GHR: variants seen among roughly 807,000 people sequenced by gnomAD.
GHR encodes the protein GH receptor.
Under a neutral mutation model 67.1 loss-of-function variants are expected in GHR, and 35 were observed. The ratio of observed to expected loss-of-function variants is 0.52; its 90% CI spans 0.40 to 0.69. The LOEUF is 0.69. Ranked by LOEUF, GHR falls within the 30% of genes least tolerant of loss-of-function variation. The pLI is 0.00. For synonymous variants in GHR, 272 were observed against 269.1 expected (o/e 1.01, Z -0.10); for missense variants, 792 against 764.6 (o/e 1.04, Z -0.42).
At chr5:42,642,013 G>T (rs147056922) in intron 3 of GHR, among the ~76,000 whole-genome samples, 2 of 152,112 alleles carry the variant, frequency 1.3e-5, no homozygotes, top group African/African-American at 4.8e-5. Context: ...ACCTAAGGAG[G>T]CAGACTGCTA....
intron 1 of GHR, among the ~76,000 whole-genome samples, chr5:42,486,422 A>T (rs1190933232): frequency 1.3e-5 from 2 of 152,188 alleles, no homozygotes; most frequent in Non-Finnish European, 2.9e-5. Flanking sequence ...CAGTTGTACT[A>T]TTTAAGATAC....
chr5:42,472,942 T>A (rs1745075255), intron 1 of GHR, among the ~76,000 whole-genome samples: 1 of 152,192 alleles, frequency 6.6e-6, no homozygotes, highest in Non-Finnish European at 1.5e-5. Flanking sequence ...TAAATAATGT[T>A]AAAAGTCAGT....
chr5:42,522,233 C>G (rs550061690), intron 1 of GHR, among the ~76,000 whole-genome samples: 1 of 152,062 alleles, frequency 6.6e-6, no homozygotes, highest in East Asian at 1.9e-4. Context: ...TGTTGCCTGC[C>G]GAATTTCTGT....
intron 3 of GHR, among the ~76,000 whole-genome samples, chr5:42,683,867 C>A (rs758277467): frequency 6.6e-6 from 1 of 152,118 alleles, no homozygotes; most frequent in East Asian, 1.9e-4. Flanking sequence ...GTAATAAGGA[C>A]TTTCTATGCA....
intron 3 of GHR, among the ~76,000 whole-genome samples, chr5:42,655,427 A>T (rs943941828): frequency 6.6e-5 from 10 of 152,122 alleles, no homozygotes; most frequent in Non-Finnish European, 8.8e-5. Context: ...AATGGAACAG[A>T]AAGTGTTTGA....
chr5:42,653,302 A>C, intron 3 of GHR, among the ~76,000 whole-genome samples: 1 of 152,128 alleles, frequency 6.6e-6, no homozygotes, highest in East Asian at 1.9e-4. Flanking sequence ...GAATTTGAGG[A>C]ATCTCAGGCT....
At chr5:42,621,679 A>T (rs1749141467) in intron 2 of GHR, among the ~76,000 whole-genome samples, 1 of 152,200 alleles carries the variant, frequency 6.6e-6, no homozygotes, top group Non-Finnish European at 1.5e-5. Context: ...TGCTTTTTTA[A>T]ATGACACTGG....
At chr5:42,563,624 CAAAAAAAAAAAA>C (rs1168788232) in intron 1 of GHR, among the ~76,000 whole-genome samples, 20 of 45,096 alleles carry the variant, frequency 4.4e-4, no homozygotes, top group African/African-American at 1.6e-3. Flanking sequence ...GACTCCGTCT[CAAAAAAAAAAAA>C]AAAAAAAAAA....
intron 1 of GHR, among the ~76,000 whole-genome samples, chr5:42,443,866 T>G (rs528508756): frequency 2.6e-5 from 4 of 152,008 alleles, no homozygotes; most frequent in African/African-American, 9.7e-5. Flanking sequence ...TTTAATATCA[T>G]CTAAGAACAC....
At chr5:42,569,724 CACATAT>C (rs200141258) in intron 2 of GHR, among the ~76,000 whole-genome samples, 2,240 of 151,880 alleles carry the variant, frequency 0.015, 21 homozygotes, top group Middle Eastern at 0.037. Flanking sequence ...ACTATATGTA[CACATAT>C]ACATATACAT....
At chr5:42,638,496 G>A (rs986026081) in intron 3 of GHR, among the ~76,000 whole-genome samples, 1 of 152,100 alleles carries the variant, frequency 6.6e-6, no homozygotes, top group South Asian at 2.1e-4. Context: ...CTGCACACCA[G>A]CCTTTATGAT....
intron 4 of GHR, among the ~76,000 whole-genome samples, chr5:42,689,664 G>C (rs1322539992): frequency 1.3e-5 from 2 of 152,172 alleles, no homozygotes; most frequent in Admixed American, 6.5e-5. Flanking sequence ...GGCCAGCACT[G>C]AAGGCACAAG....
intron 1 of GHR, among the ~76,000 whole-genome samples, chr5:42,534,484 A>G (rs1253608977): frequency 2.0e-5 from 3 of 148,404 alleles, no homozygotes; most frequent in East Asian, 1.9e-4. Context: ...GTATATGTGT[A>G]TATATGTATG....
intron 1 of GHR, among the ~76,000 whole-genome samples, chr5:42,548,817 T>G (rs1258444732): frequency 6.6e-6 from 1 of 152,244 alleles, no homozygotes; most frequent in Non-Finnish European, 1.5e-5. Context: ...TTTGGCTGCC[T>G]TCCTCCTTGT....
At chr5:42,444,086 G>A (rs1743708659) in intron 1 of GHR, among the ~76,000 whole-genome samples, 1 of 152,076 alleles carries the variant, frequency 6.6e-6, no homozygotes, top group African/African-American at 2.4e-5. Context: ...CACCTGGGAA[G>A]TTACAGCACT....
chr5:42,471,778 G>C (rs1389469348), intron 1 of GHR, among the ~76,000 whole-genome samples: 1 of 152,144 alleles, frequency 6.6e-6, no homozygotes, highest in African/African-American at 2.4e-5. Context: ...AGGGGTCTTA[G>C]GCAGCTTAGG....
At chr5:42,586,779 A>G (rs146798988) in intron 2 of GHR, among the ~76,000 whole-genome samples, 3 of 152,324 alleles carry the variant, frequency 2.0e-5, no homozygotes, top group Non-Finnish European at 4.4e-5. Flanking sequence ...CAGGCCGTGA[A>G]TTACGTCTGA....
chr5:42,520,338 T>C (rs981583208), intron 1 of GHR, among the ~76,000 whole-genome samples: 1 of 152,176 alleles, frequency 6.6e-6, no homozygotes, highest in Non-Finnish European at 1.5e-5. Context: ...ACAAGATACC[T>C]TGTGATCTTG....
intron 3 of GHR, among the ~76,000 whole-genome samples, chr5:42,636,310 T>C (rs1754189344): frequency 6.6e-6 from 1 of 152,124 alleles, no homozygotes; most frequent in African/African-American, 2.4e-5. Flanking sequence ...TACTGACTTC[T>C]AGCATGGTTT....
Sources: gnomAD v4.1 joint callset for allele counts (sites outside exome capture counted in the v4.1 genomes callset) on GRCh38, gnomAD v4.1.1 for gene constraint, MANE v1.5 for transcripts, NCBI Gene and HGNC (gene_info 2026-07-23, HGNC 2026-07-21) for gene names.